Variants in MICU1 observed in about 807,000 individuals in gnomAD.
MICU1 encodes the protein mitochondrial calcium uptake 1.
A neutral mutation model predicts 56.8 loss-of-function variants in MICU1; 45 were observed. The ratio of observed to expected loss-of-function variants is 0.79; its 90% confidence interval spans 0.62 to 1.02. The LOEUF (loss-of-function observed/expected upper bound fraction) is 1.02, where lower values mean the gene tolerates loss of function less well. MICU1 is among the 50% of genes least tolerant of loss of function. The pLI is 0.00. For synonymous variants in MICU1, 186 were observed against 195.1 expected (o/e 0.95, Z 0.39); for missense variants, 504 against 587.1 (o/e 0.86, Z 1.46).
At chr10:72,533,419 G>A (rs939077391) in intron 5 of MICU1, among the ~76,000 whole-genome samples, 2 of 152,108 alleles carry the variant, frequency 1.3e-5, no homozygotes, top group South Asian at 2.1e-4. Flanking sequence ...TCAGGGAAGC[G>A]TTTTGTAATA....
intron 6 of MICU1, among the ~76,000 whole-genome samples, chr10:72,489,313 CACACACACACAA>C (rs1345410396): frequency 7.0e-5 from 10 of 142,122 alleles, no homozygotes; most frequent in African/African-American, 3.1e-4. Flanking sequence ...CACACACACA[CACACACACACAA>C]AAATAAAAAA....
chr10:72,577,313 C>G (rs1218933058), intron 1 of MICU1, among the ~76,000 whole-genome samples: 1 of 151,858 alleles, frequency 6.6e-6, no homozygotes, highest in Non-Finnish European at 1.5e-5. Flanking sequence ...AGTTCGAGAC[C>G]AGCCTGACCA....
At chr10:72,499,566 T>C (rs545747692) in intron 6 of MICU1, among the ~76,000 whole-genome samples, 1 of 152,208 alleles carries the variant, frequency 6.6e-6, no homozygotes, top group East Asian at 1.9e-4. Flanking sequence ...TGAAAAAGAT[T>C]AGCCTTTTAC....
intron 1 of MICU1, among the ~76,000 whole-genome samples, chr10:72,592,201 G>T (rs1277522153): frequency 6.6e-6 from 1 of 151,796 alleles, no homozygotes; most frequent in Non-Finnish European, 1.5e-5. Context: ...GTGCAAACGG[G>T]GTTTCACATG....
intron 8 of MICU1, among the ~76,000 whole-genome samples, chr10:72,459,245 T>G (rs527946879): frequency 1.1e-4 from 16 of 152,168 alleles, no homozygotes; most frequent in African/African-American, 3.6e-4. Context: ...GCAGGAGCAT[T>G]GCTTGAACCC....
chr10:72,442,084 C>T (rs1239765638), intron 8 of MICU1, among the ~76,000 whole-genome samples: 1 of 152,114 alleles, frequency 6.6e-6, no homozygotes, highest in Non-Finnish European at 1.5e-5. Context: ...TTTCAGTGGG[C>T]TCCAGCATGA....
intron 6 of MICU1, among the ~76,000 whole-genome samples, chr10:72,485,947 C>T (rs1017736991): frequency 6.6e-6 from 1 of 151,160 alleles, no homozygotes; most frequent in African/African-American, 2.4e-5. Flanking sequence ...TCAAAGGTCA[C>T]CATTAATAGA....
At chr10:72,496,319 C>T (rs115581042) in intron 6 of MICU1, among the ~76,000 whole-genome samples, 3,837 of 138,018 alleles carry the variant, frequency 0.028, 171 homozygotes, top group African/African-American at 0.1. Context: ...TTTTTTTTTC[C>T]GAGACAGAGT....
At chr10:72,526,400 A>T (rs938999903) in intron 5 of MICU1, among the ~76,000 whole-genome samples, 2 of 152,064 alleles carry the variant, frequency 1.3e-5, no homozygotes, top group Admixed American at 6.6e-5. Flanking sequence ...GGTTCAAGTG[A>T]ATCTCCTGCC....
chr10:72,426,959 A>G (rs1554866780), intron 8 of MICU1, among the ~76,000 whole-genome samples: 1 of 152,184 alleles, frequency 6.6e-6, no homozygotes, highest in Non-Finnish European at 1.5e-5. Flanking sequence ...AAGAAATTCA[A>G]ATTACAGGCT....
chr10:72,535,953 G>A (rs1211350050), intron 4 of MICU1, among the ~76,000 whole-genome samples: 1 of 152,056 alleles, frequency 6.6e-6, no homozygotes, highest in East Asian at 1.9e-4. Context: ...AATAAGGCAG[G>A]AACAGAAAGT....
At chr10:72,563,578 G>A (rs1268270191) in intron 2 of MICU1, among the ~76,000 whole-genome samples, 1 of 152,108 alleles carries the variant, frequency 6.6e-6, no homozygotes, top group East Asian at 1.9e-4. Context: ...TGAGGGAAGG[G>A]GAAGCAAGGA....
chr10:72,428,560 C>T (rs1022487415), intron 8 of MICU1, among the ~76,000 whole-genome samples: 44 of 152,196 alleles, frequency 2.9e-4, no homozygotes, highest in South Asian at 4.1e-4. Flanking sequence ...GTGATCCACC[C>T]GCCTCGGCCT....
At chr10:72,373,389 C>G (rs936649913) in intron 11 of MICU1, among the ~76,000 whole-genome samples, 1 of 152,060 alleles carries the variant, frequency 6.6e-6, no homozygotes, top group East Asian at 1.9e-4. Context: ...GTTGCCTAAG[C>G]TGGTCTTGAA....
intron 6 of MICU1, among the ~76,000 whole-genome samples, chr10:72,494,846 A>G (rs1866783800): frequency 6.6e-6 from 1 of 151,942 alleles, no homozygotes; most frequent in Non-Finnish European, 1.5e-5. Context: ...TGATTCTAAA[A>G]AAAAAAAAAA....
At chr10:72,569,958 T>C (rs1478197552) in intron 1 of MICU1, among the ~76,000 whole-genome samples, 2 of 152,018 alleles carry the variant, frequency 1.3e-5, no homozygotes, top group Non-Finnish European at 2.9e-5. Context: ...TTTGTGTGTG[T>C]GTTTTGAGAT....
At position 72,590,807 on chromosome 10, in the gene MICU1, G is replaced by A. The variant is rs535678500; in HGVS notation, c.-1-24013C>T. Reference sequence around the variant, plus strand: ...CAGCCTGGGAGACAGAGTGAGACACGGTCTCAAAAAATAAAATAAATAAAT... The same window carrying A: ...CAGCCTGGGAGACAGAGTGAGACACAGTCTCAAAAAATAAAATAAATAAAT... On this transcript the variant is annotated intron_variant, in intron 1 of 11. Coordinates refer to ENST00000361114, the MANE Select transcript of MICU1 (RefSeq NM_001195518.2). Among the ~76,000 whole-genome samples the A allele has an allele frequency of 3.5e-3, 513 of 148,532 alleles. 3 individuals carry two copies. The highest frequency in any genetic ancestry group is 0.012 in the African/African-American group (466 of 40,428).
At position 72,578,733 on chromosome 10, in the gene MICU1, G is replaced by A. The variant is rs138371062; in HGVS notation, c.-1-11939C>T. Among the ~76,000 whole-genome samples the A allele has an allele frequency of 5.0e-3, 762 of 151,792 alleles. 5 individuals are homozygous for A. The highest frequency in any genetic ancestry group is 0.017 in the African/African-American group (702 of 41,350). ...AGCGACTCTCCTGCCTCAGTCTCCC[G>A]AGTAGCTGGGACTACAGGCACCTGC... On this transcript the variant is annotated intron_variant, in intron 1 of 11. Transcript: ENST00000361114.
At chr10:72,578,303 G>A (rs951857410) in intron 1 of MICU1, among the ~76,000 whole-genome samples, 1 of 152,004 alleles carries the variant, frequency 6.6e-6, no homozygotes, top group African/African-American at 2.4e-5. Context: ...TATCACCCAA[G>A]TTGGAGTGCA....
Sources: gnomAD v4.1 joint callset for allele counts (sites outside exome capture counted in the v4.1 genomes callset) on GRCh38, gnomAD v4.1.1 for gene constraint, MANE v1.5 for transcripts, NCBI Gene and HGNC (gene_info 2026-07-23, HGNC 2026-07-21) for gene names.